Variants in LRMDA observed in about 807,000 individuals in gnomAD.
The protein encoded by LRMDA is leucine-rich melanocyte differentiation-associated protein.
LRMDA carries 18 observed loss-of-function variants against 29.8 expected under a neutral mutation model. The ratio of observed to expected loss-of-function variants is 0.60; its 90% CI spans 0.42 to 0.90. The LOEUF is 0.90. Among genes scored for constraint, LRMDA ranks in the 40% least tolerant of loss-of-function variants. LRMDA has a pLI of 0.00. For synonymous variants in LRMDA, 125 were observed against 109.4 expected (o/e 1.14, Z -0.89); for missense variants, 273 against 273.9 (o/e 1.00, Z 0.02).
chr10:75,977,966 A>G (rs1038276531), intron 2 of LRMDA, among the ~76,000 whole-genome samples: 1 of 152,240 alleles, frequency 6.6e-6, no homozygotes, highest in African/African-American at 2.4e-5. Flanking sequence ...GGGGAATTAA[A>G]TGGAATACTG....
At chr10:76,510,257 A>C (rs1589219698) in intron 6 of LRMDA, among the ~76,000 whole-genome samples, 1 of 151,784 alleles carries the variant, frequency 6.6e-6, no homozygotes, top group Non-Finnish European at 1.5e-5. Context: ...TTTTAGTAGA[A>C]ACGGGGTTTC....
At chr10:76,163,218 T>A (rs541773375) in intron 5 of LRMDA, among the ~76,000 whole-genome samples, 7 of 152,304 alleles carry the variant, frequency 4.6e-5, no homozygotes, top group South Asian at 2.1e-4. Context: ...TGATGGATAT[T>A]ATCATTTTTA....
At chr10:76,489,675 A>G (rs1445954639) in intron 6 of LRMDA, among the ~76,000 whole-genome samples, 1 of 151,802 alleles carries the variant, frequency 6.6e-6, no homozygotes. Context: ...TACTGCTGTC[A>G]TGGTATCTCC....
chr10:75,750,463 T>C (rs1264215869), intron 2 of LRMDA, among the ~76,000 whole-genome samples: 3 of 119,500 alleles, frequency 2.5e-5, no homozygotes, highest in African/African-American at 1.0e-4. Flanking sequence ...GCAGAGGCGC[T>C]CCTCACATCC....
chr10:75,937,254 C>T (rs1328831220), intron 2 of LRMDA, among the ~76,000 whole-genome samples: 2 of 152,086 alleles, frequency 1.3e-5, no homozygotes, highest in East Asian at 3.9e-4. Flanking sequence ...AAATCATGTG[C>T]CAGGAAAAGC....
Position 75,640,670 on chromosome 10 carries a change from C to T in LRMDA, c.131+202176C>T, listed in dbSNP as rs142780896. 2.6e-4 allele frequency among the ~76,000 whole-genome samples: 40 copies of T among 152,310 alleles called. No homozygotes were observed. In the East Asian group the frequency reaches 4.6e-3, roughly 18 times the overall value. On this transcript the variant is annotated intron_variant, in intron 2 of 6. Coordinates refer to ENST00000611255, the MANE Select transcript of LRMDA (RefSeq NM_001305581.2). ...ATCTGCAGCCTCTGCATTCCCATAG[C>T]GGTCAGGCTGGGGAGTGTCTGTTGC...
chr10:76,234,179 G>A (rs1418651016), intron 5 of LRMDA, among the ~76,000 whole-genome samples: 2 of 152,206 alleles, frequency 1.3e-5, no homozygotes, highest in Non-Finnish European at 2.9e-5. Context: ...CATTAAAACA[G>A]CATTGATCTC....
At chr10:76,427,331 T>C (rs915742784) in intron 6 of LRMDA, among the ~76,000 whole-genome samples, 12 of 152,060 alleles carry the variant, frequency 7.9e-5, no homozygotes, top group South Asian at 2.1e-4. Flanking sequence ...CCCTTGTAAG[T>C]TGGATTCCTA....
chr10:75,790,071 C>G (rs546715735), intron 2 of LRMDA, among the ~76,000 whole-genome samples: 1 of 152,206 alleles, frequency 6.6e-6, no homozygotes, highest in Admixed American at 6.5e-5. Context: ...GGAGAAGAAA[C>G]AATCACAATG....
chr10:75,580,473 A>G (rs1403579036), intron 2 of LRMDA, among the ~76,000 whole-genome samples: 1 of 152,190 alleles, frequency 6.6e-6, no homozygotes, highest in African/African-American at 2.4e-5. Context: ...AATCAATATC[A>G]TGAAAATGGC....
At chr10:76,217,982 A>G (rs749768032) in intron 5 of LRMDA, among the ~76,000 whole-genome samples, 2 of 152,316 alleles carry the variant, frequency 1.3e-5, no homozygotes, top group Middle Eastern at 3.4e-3. Context: ...TAGAAGGAAG[A>G]TCTGAAAACA....
chr10:76,531,735 A>G (rs1843236294), intron 6 of LRMDA, among the ~76,000 whole-genome samples: 1 of 152,162 alleles, frequency 6.6e-6, no homozygotes, highest in Non-Finnish European at 1.5e-5. Context: ...AATATTGTCC[A>G]GTACTTTTCC....
intron 2 of LRMDA, among the ~76,000 whole-genome samples, chr10:75,586,822 T>G (rs1840661944): frequency 1.2e-4 from 1 of 8,168 alleles, no homozygotes. Context: ...GGTTATTAGG[T>G]TTTTTTTTTT....
chr10:75,470,763 A>G (rs910403955), intron 2 of LRMDA, among the ~76,000 whole-genome samples: 3 of 152,158 alleles, frequency 2.0e-5, no homozygotes, highest in African/African-American at 7.2e-5. Flanking sequence ...GTCACGTCCC[A>G]GGGTACATAA....
intron 5 of LRMDA, among the ~76,000 whole-genome samples, chr10:76,245,602 C>A (rs1264467963): frequency 1.3e-5 from 2 of 152,224 alleles, no homozygotes; most frequent in South Asian, 2.1e-4. Context: ...GGGGCAATCA[C>A]TTTACCCACA....
chr10:76,269,763 C>T (rs958220786), intron 5 of LRMDA, among the ~76,000 whole-genome samples: 1 of 152,176 alleles, frequency 6.6e-6, no homozygotes, highest in Admixed American at 6.5e-5. Flanking sequence ...TTTTAAAATT[C>T]CAACAGCCCC....
chr10:75,497,334 T>C (rs1381173757), intron 2 of LRMDA, among the ~76,000 whole-genome samples: 1 of 152,182 alleles, frequency 6.6e-6, no homozygotes, highest in East Asian at 1.9e-4. Flanking sequence ...TTGTTCTGCT[T>C]GCTTTATTTC....
intron 2 of LRMDA, among the ~76,000 whole-genome samples, chr10:75,656,364 G>C (rs1397948351): frequency 6.6e-6 from 1 of 152,184 alleles, no homozygotes; most frequent in Non-Finnish European, 1.5e-5. Context: ...TGTGCAATCT[G>C]TACAATAATA....
At chr10:76,536,688 G>A (rs925139711) in intron 6 of LRMDA, among the ~76,000 whole-genome samples, 3 of 152,140 alleles carry the variant, frequency 2.0e-5, no homozygotes, top group South Asian at 2.1e-4. Flanking sequence ...ACTGCATCAT[G>A]TTATGAGGCA....
Sources: allele counts gnomAD v4.1 joint callset (sites outside exome capture counted in the v4.1 genomes callset), GRCh38; gene constraint gnomAD v4.1.1; transcripts MANE v1.5; gene names NCBI Gene and HGNC (gene_info 2026-07-23, HGNC 2026-07-21).